Variants in CYP26A1 observed in about 807,000 individuals in gnomAD.
The protein encoded by CYP26A1 is cytochrome P450 26A1.
CYP26A1 carries 46 observed loss-of-function variants against 47.4 expected under a neutral mutation model. The ratio of observed to expected loss-of-function variants is 0.97; its 90% confidence interval spans 0.77 to 1.24. The LOEUF is 1.24. Ranked by LOEUF, CYP26A1 falls within the 50% of genes most tolerant of loss-of-function variation. The pLI, the probability that CYP26A1 is intolerant of heterozygous loss-of-function variation, is 0.00. For synonymous variants in CYP26A1, 277 were observed against 263.7 expected, an observed-to-expected ratio of 1.05 and a Z score of -0.49; for missense variants, 680 against 644.4, an observed-to-expected ratio of 1.06 and a Z score of -0.60.
At chr10:93,073,872 C>T (rs904325959), upstream of CYP26A1, 423 of 654,430 alleles carry the variant, frequency 6.5e-4, 2 homozygotes, top group Non-Finnish European at 5.2e-4. Context: ...TATAAAGCGG[C>T]AGCGCCGTGG....
chr10:93,076,005 T>C (rs1330993688), intron 5 of CYP26A1, 45 bp downstream of exon 5: 1 of 1,528,696 alleles, frequency 6.5e-7, no homozygotes, highest in Non-Finnish European at 9.1e-7. Context: ...CTTAGGAAAT[T>C]CAGCTGCTCC....
At position 93,075,847 on chromosome 10, in the gene CYP26A1, G is replaced by A; in HGVS notation, c.886G>A (p.Glu296Lys). ...TTAGGCACTAAAGCAATCTTCAACC[G>A]AACTCCTCTTTGGAGGACACGAAAC... ...DMQALKQSST[E>K]LLFGGHETTA... The change falls in exon 5 of 7, where the codon GAA becomes AAA. Residue 296 changes from glutamate (E) to lysine (K), a missense_variant. Glu to Lys is a moderately conservative substitution (Grantham distance 56). Coordinates refer to ENST00000224356, the MANE Select transcript of CYP26A1 (RefSeq NM_000783.4). 1 of 1,611,802 alleles carries A rather than the reference G, an allele frequency of 6.2e-7. No homozygotes were observed. Among genetic ancestry groups the A allele is most frequent in the Non-Finnish European group, 8.5e-7 (1 of 1,177,946 alleles).
rs1041193029 is a variant in CYP26A1, at chr10:93,074,184, T to C, written c.189+61T>C. The C allele has an allele frequency of 8.0e-5, 122 of 1,518,958 alleles. No homozygotes were observed. Among genetic ancestry groups the C allele is most frequent in the Non-Finnish European group, 1.1e-4 (119 of 1,131,440 alleles). The allele number at this position is 1,518,958 out of a possible 1,614,324, so 94.1% of individuals were successfully genotyped here. A position where few individuals can be genotyped will look rare whatever the true frequency, so the allele number is the denominator to read the frequency against. ...GGAGCCCGGCGCGGCTCTGGGCTTCTGCTGAAGTCGGGGTAGGCGCCCCCG... is the reference window on the plus strand; with the variant it reads ...GGAGCCCGGCGCGGCTCTGGGCTTCCGCTGAAGTCGGGGTAGGCGCCCCCG... On this transcript the variant is annotated intron_variant, in intron 1 of 6. Coordinates refer to ENST00000224356, the MANE Select transcript of CYP26A1 (RefSeq NM_000783.4). The surrounding 1 kb of genome is among the most constrained non-coding windows in gnomAD (Gnocchi z 5.3).
rs371233600 is a variant in CYP26A1, at chr10:93,074,977, G to T, written c.613G>T (p.Asp205Tyr). ...CGAACCCCAACTGGCGGGCGACGGG[G>T]ACTCCGAGCAGCAGCTTGTGGAGGC... ...GCEPQLAGDG[D>Y]SEQQLVEAFE... The change falls in exon 3 of 7, where the codon GAC (aspartate) becomes TAC (tyrosine). Residue 205 changes from aspartate to tyrosine, a missense_variant. Coordinates refer to ENST00000224356, the MANE Select transcript of CYP26A1 (RefSeq NM_000783.4). This position sits in a 1 kb window ranked among gnomAD's most constrained non-coding sequence, Gnocchi z 5.3. 3 of 1,613,162 alleles carry T rather than the reference G, an allele frequency of 1.9e-6. No individual in the cohort carries two copies. The highest frequency in any genetic ancestry group is 1.7e-5 in the Admixed American group (1 of 60,032).
In CYP26A1 at chr10:93,074,119, T is replaced by A; in HGVS notation, c.185T>A (p.Leu62Gln). 1.3e-6 allele frequency: 1 copy of A among 762,362 alleles called. No homozygotes were observed. The highest frequency in any genetic ancestry group is 2.0e-6 in the Non-Finnish European group (1 of 495,494). 47.2% of individuals were successfully genotyped at this position (762,362 alleles called of 1,614,324 possible). A position where few individuals can be genotyped will look rare whatever the true frequency, so the allele number is the denominator to read the frequency against. Residue 62 changes from leucine to glutamine, a missense_variant, in exon 1 of 7, where the codon CTG becomes CAG. Coordinates refer to ENST00000224356, the MANE Select transcript of CYP26A1 (RefSeq NM_000783.4). This position sits in a 1 kb window ranked among gnomAD's most constrained non-coding sequence, Gnocchi z 5.3. ...PFFGETLQMV[L>Q]QRRKFLQMKR... ...TTTGGGGAAACCTTGCAGATGGTAC[T>A]GCAGGTAAGGGAGGGTGGGGCGGGA...
Position 93,074,604 on chromosome 10 carries a change from C to G in CYP26A1, c.414+72C>G. 1.7e-6 allele frequency: 2 copies of G among 1,163,868 alleles called. No individual in the cohort carries two copies. Among genetic ancestry groups the G allele is most frequent in the Non-Finnish European group, 2.6e-6 (2 of 776,060 alleles). 72.1% of individuals were successfully genotyped at this position (1,163,868 alleles called of 1,614,324 possible). ...TGAGCGGAATTCCGGCTGATGGATGCTAGGCGCGGGCTAGCAGCTTGAGGT... is the reference window on the plus strand; with the variant it reads ...TGAGCGGAATTCCGGCTGATGGATGGTAGGCGCGGGCTAGCAGCTTGAGGT... On this transcript the variant is annotated intron_variant, in intron 2 of 6. Coordinates refer to ENST00000224356, the MANE Select transcript of CYP26A1 (RefSeq NM_000783.4). The surrounding 1 kb of genome is among the most constrained non-coding windows in gnomAD (Gnocchi z 5.3).
chr10:93,075,353 G>C, intron 4 of CYP26A1, 46 bp downstream of exon 4: 3 of 1,580,370 alleles, frequency 1.9e-6, no homozygotes, highest in Non-Finnish European at 2.6e-6. Context: ...TGGTCCCCTG[G>C]CTTTCCAAGC....
At position 93,077,370 on chromosome 10, in the gene CYP26A1, G is replaced by A; in HGVS notation, c.*66G>A. 1 of 771,914 alleles carries A rather than the reference G, an allele frequency of 1.3e-6. No homozygotes were observed. The highest frequency in any genetic ancestry group is 1.9e-6 in the Non-Finnish European group (1 of 522,090). 47.8% of individuals were successfully genotyped at this position (771,914 alleles called of 1,614,324 possible). On this transcript the variant is annotated 3_prime_UTR_variant, in exon 7 of 7. Transcript: ENST00000224356. ...CATATGAGTTTTTAAGGAGTGTTGT[G>A]TTGACTTTATATTTAATTTCTAAAT...
Position 93,076,992 on chromosome 10 carries a change from T to C in CYP26A1, c.1182T>C (p.Val394=). ...NGYQIPKGWN[V]IYSICDTHDV... ...ACCAGATTCCCAAGGGCTGGAATGT[T>C]ATCTACAGTATCTGTGATACTCATG... The change falls in exon 7 of 7, where the codon GTT becomes GTC. Residue 394 remains valine (V), a synonymous_variant. Transcript: ENST00000224356. 30 of 1,609,676 alleles carry C rather than the reference T, an allele frequency of 1.9e-5. No individual in the cohort carries two copies. The highest frequency in any genetic ancestry group is 2.4e-5 in the Non-Finnish European group (28 of 1,176,854).
In CYP26A1 at chr10:93,074,829, G is replaced by A. The variant is rs1474625942; in HGVS notation, c.465G>A (p.Val155=). ...AGGCACTCGAATGCTACGTGCCGGT[G>A]ATCACCGAGGAAGTGGGCAGCAGCC... is the stretch of plus-strand genomic sequence containing the variant. ...SREALECYVP[V]ITEEVGSSLE... is the part of the protein sequence containing the mutation. The change falls in exon 3 of 7, where the codon GTG becomes GTA. Residue 155 remains valine, a synonymous_variant. Coordinates refer to ENST00000224356, the MANE Select transcript of CYP26A1 (RefSeq NM_000783.4). This position sits in a 1 kb window ranked among gnomAD's most constrained non-coding sequence, Gnocchi z 5.3. 1 of 1,611,146 alleles carries A rather than the reference G, an allele frequency of 6.2e-7. No homozygotes were observed. The highest frequency in any genetic ancestry group is 1.1e-5 in the South Asian group (1 of 91,072).
chr10:93,076,197 C>A, intron 5 of CYP26A1: 1 of 535,532 alleles, frequency 1.9e-6, no homozygotes, highest in Non-Finnish European at 3.3e-6. Flanking sequence ...CCACCTTTTG[C>A]TGAACCGTGG....
At position 93,074,490 on chromosome 10, in the gene CYP26A1, CCT is replaced by C. The variant is rs1486216310; in HGVS notation, c.377_378del (p.Ser126Ter). 6.2e-7 allele frequency: 1 copy of C among 1,610,968 alleles called. No individual in the cohort carries two copies. Among genetic ancestry groups the C allele is most frequent in the Non-Finnish European group, 8.5e-7 (1 of 1,177,848 alleles). On this transcript the variant is annotated frameshift_variant, in exon 2 of 7. Coordinates refer to ENST00000224356, the MANE Select transcript of CYP26A1 (RefSeq NM_000783.4). LOFTEE classifies it high-confidence loss of function. The surrounding 1 kb of genome is among the most constrained non-coding windows in gnomAD (Gnocchi z 5.3). Reference protein sequence around the residue: ...SVRTILGSGCLSNLHDSSHKQ... With the variant: ...SVRTILGSGCXSNLHDSSHKQ... ...TGCGCACCATTCTGGGATCTGGCTG[CCT>C]CTCTAACCTGCACGACTCCTCGCAC...
chr10:93,075,846 C>T lies in CYP26A1; in HGVS notation c.885C>T (p.Thr295=). Residue 295 remains threonine, a synonymous_variant, in exon 5 of 7, where the codon ACC becomes ACT. Coordinates refer to ENST00000224356, the MANE Select transcript of CYP26A1 (RefSeq NM_000783.4). ...LDMQALKQSS[T]ELLFGGHETT... ...CTTAGGCACTAAAGCAATCTTCAACCGAACTCCTCTTTGGAGGACACGAAA... is the reference window on the plus strand; with the variant it reads ...CTTAGGCACTAAAGCAATCTTCAACTGAACTCCTCTTTGGAGGACACGAAA... 2 of 1,611,776 alleles carry T rather than the reference C, an allele frequency of 1.2e-6. No homozygotes were observed. Among genetic ancestry groups the T allele is most frequent in the East Asian group, 2.2e-5 (1 of 44,860 alleles).
Position 93,074,251 on chromosome 10 carries a change from G to A in CYP26A1, c.190-57G>A. The stretch of plus-strand genomic sequence containing the variant: ...GGCTAGGAGCAGGGCTGGCGGGAGC[G>A]CGGCGCTCCCCGGCGCCCCCTCATG... On this transcript the variant is annotated intron_variant, in intron 1 of 6. Coordinates refer to ENST00000224356, the MANE Select transcript of CYP26A1 (RefSeq NM_000783.4). This position sits in a 1 kb window ranked among gnomAD's most constrained non-coding sequence, Gnocchi z 5.3. The A allele has an allele frequency of 6.6e-7, 1 of 1,519,438 alleles. No individual in the cohort carries two copies. The highest frequency in any genetic ancestry group is 9.0e-7 in the Non-Finnish European group (1 of 1,107,380). 94.1% of individuals were successfully genotyped at this position (1,519,438 alleles called of 1,614,324 possible). A position where few individuals can be genotyped will look rare whatever the true frequency, so the allele number is the denominator to read the frequency against.
Position 93,076,674 on chromosome 10 carries a change from C to G in CYP26A1, c.1130C>G (p.Ala377Gly). ...CCAGTTCCAGGAGGGTTTCGGGTTG[C>G]TCTGAAGACTTTTGAATTAAATGTA... is the stretch of plus-strand genomic sequence containing the variant. Reference protein sequence around the residue: ...NPPVPGGFRVALKTFELNGYQ... With the variant: ...NPPVPGGFRVGLKTFELNGYQ... The change falls in exon 6 of 7, where the codon GCT becomes GGT. Residue 377 changes from alanine (A) to glycine (G), a missense_variant. Ala to Gly is a moderately conservative substitution (Grantham distance 60). Coordinates refer to ENST00000224356, the MANE Select transcript of CYP26A1 (RefSeq NM_000783.4). 6.2e-7 allele frequency: 1 copy of G among 1,605,256 alleles called. No individual in the cohort carries two copies. Among genetic ancestry groups the G allele is most frequent in the Non-Finnish European group, 8.5e-7 (1 of 1,176,746 alleles).
At position 93,075,194 on chromosome 10, in the gene CYP26A1, A is replaced by G. The variant is rs370074492; in HGVS notation, c.751A>G (p.Ile251Val). Reference protein sequence around the residue: ...NLIHARIEQNIRAKICGLRAS... With the variant: ...NLIHARIEQNVRAKICGLRAS... ...CATTCACGCGCGCATCGAGCAGAAC[A>G]TTCGCGCCAAGATCTGCGGGCTGCG... is the stretch of plus-strand genomic sequence containing the variant. Residue 251 changes from isoleucine (I) to valine (V), a missense_variant, in exon 4 of 7, where the codon ATT becomes GTT. By Grantham distance (29) the Ile-to-Val change is conservative (BLOSUM62 3). Coordinates refer to ENST00000224356, the MANE Select transcript of CYP26A1 (RefSeq NM_000783.4). The G allele has an allele frequency of 5.0e-6, 8 of 1,613,782 alleles. No homozygotes were observed. In the African/African-American group the frequency reaches 1.1e-4, roughly 22 times the overall value.
intron 6 of CYP26A1, 59 bp downstream of exon 6, chr10:93,076,755 CCCTATG>C: frequency 7.7e-7 from 1 of 1,293,712 alleles, no homozygotes; most frequent in South Asian, 1.3e-5. Context: ...CCTCTTTCTT[CCCTATG>C]CTGTGGCTGC....
chr10:93,074,873 G>C lies in CYP26A1; in HGVS notation c.509G>C (p.Cys170Ser). ...VGSSLEQWLSCGERGLLVYPE... is the reference protein window; with the variant it reads ...VGSSLEQWLSSGERGLLVYPE... ...AGCAGCCTGGAGCAGTGGCTGAGCT[G>C]CGGCGAGCGCGGCCTCCTGGTCTAC... Residue 170 changes from cysteine to serine, a missense_variant, in exon 3 of 7, where the codon TGC becomes TCC. By Grantham distance (112) the Cys-to-Ser change is moderately radical (BLOSUM62 -1). Transcript: ENST00000224356. The surrounding 1 kb of genome is among the most constrained non-coding windows in gnomAD (Gnocchi z 5.3). The C allele has an allele frequency of 6.2e-7, 1 of 1,612,936 alleles. No homozygotes were observed. The highest frequency in any genetic ancestry group is 8.5e-7 in the Non-Finnish European group (1 of 1,180,004).
intron 5 of CYP26A1, chr10:93,076,202 C>T (rs1183733041): frequency 1.9e-5 from 10 of 526,864 alleles, no homozygotes; most frequent in Non-Finnish European, 3.4e-5. Flanking sequence ...TTTTGCTGAA[C>T]CGTGGAGATT....
Sources: gnomAD v4.1 joint callset for allele counts on GRCh38, gnomAD v4.1.1 for gene constraint, Gnocchi (gnomAD v3.1) non-coding constraint, MANE v1.5 for transcripts, NCBI Gene and HGNC (gene_info 2026-07-23, HGNC 2026-07-21) for gene names.